Variants in PLAC9 observed in about 807,000 individuals in gnomAD.
PLAC9 encodes placenta-specific protein 9.
Under a neutral mutation model 11.5 loss-of-function variants are expected in PLAC9, and 12 were observed. The ratio of observed to expected loss-of-function variants is 1.05; its 90% CI spans 0.67 to 1.69. The LOEUF is 1.69. Ranked by LOEUF, PLAC9 falls within the 40% of genes most tolerant of loss-of-function variation. PLAC9 has a pLI of 0.00. For missense variants in PLAC9, 132 were observed against 130.5 expected (o/e 1.01, Z -0.06); for synonymous variants, 62 against 58.1 (o/e 1.07, Z -0.31).
rs1274361954 is a variant in PLAC9 at position 80,144,795 on chromosome 10, G to C, written c.284-105G>C. 1.6e-5 allele frequency: 20 copies of C among 1,212,882 alleles called. No individual in the cohort carries two copies. The South Asian group carries it at 2.0e-4, about 12-fold the overall frequency. The allele number at this position is 1,212,882 out of a possible 1,614,324, so 75.1% of individuals were successfully genotyped here. On this transcript the variant is annotated intron_variant, in intron 3 of 3. Coordinates refer to ENST00000372263, the MANE Select transcript of PLAC9 (RefSeq NM_001012973.3). ...TGATCCTTGTGTCCCGCGCGCAGTAGTTCCTGGGGGCCGGGGAGGGAAGGG... is the reference window on the plus strand; with the variant it reads ...TGATCCTTGTGTCCCGCGCGCAGTACTTCCTGGGGGCCGGGGAGGGAAGGG...
At chr10:80,133,302 TC>T (rs1345905046) in intron 1 of PLAC9, among the ~76,000 whole-genome samples, 3 of 152,140 alleles carry the variant, frequency 2.0e-5, no homozygotes, top group African/African-American at 7.2e-5. Context: ...GGAGCCAGGA[TC>T]TGGAGTGGGA....
intron 1 of PLAC9, among the ~76,000 whole-genome samples, chr10:80,136,803 G>A (rs1844984380): frequency 6.6e-6 from 1 of 151,990 alleles, no homozygotes; most frequent in Non-Finnish European, 1.5e-5. Context: ...GTGAACCACC[G>A]AGCCCAGCTC....
upstream of PLAC9, chr10:80,132,446 A>T (rs1844923044): frequency 2.9e-6 from 1 of 344,008 alleles, no homozygotes; most frequent in African/African-American, 2.2e-5. Context: ...CCTTGAGCCC[A>T]AGACCTCACC....
At chr10:80,134,739 G>A (rs1179368755) in intron 1 of PLAC9, among the ~76,000 whole-genome samples, 2 of 152,078 alleles carry the variant, frequency 1.3e-5, no homozygotes, top group Non-Finnish European at 2.9e-5. Context: ...ATATCTTTTT[G>A]CAATTCATTT....
upstream of PLAC9, chr10:80,132,509 C>CG (rs1400181377): frequency 9.4e-6 from 4 of 425,216 alleles, no homozygotes; most frequent in Admixed American, 4.6e-5. Flanking sequence ...TGCGGGGACT[C>CG]GGGGGGCGGC....
rs1845086850 is a variant in PLAC9 at position 80,144,999 on chromosome 10, T to C, written c.*89T>C. The C allele has an allele frequency of 2.7e-6, 4 of 1,468,018 alleles. No homozygotes were observed. Among genetic ancestry groups the C allele is most frequent in the African/African-American group, 2.8e-5 (2 of 71,368 alleles). The allele number at this position is 1,468,018 out of a possible 1,614,324, so 90.9% of individuals were successfully genotyped here. A position where few individuals can be genotyped will look rare whatever the true frequency, so the allele number is the denominator to read the frequency against. On this transcript the variant is annotated 3_prime_UTR_variant, in exon 4 of 4. Coordinates refer to ENST00000372263, the MANE Select transcript of PLAC9 (RefSeq NM_001012973.3). ...GCCCTGTCCTCTCGACTTCCTTCCT[T>C]AGCTTCATGTGAAATAAAAGCTATT...
chr10:80,132,797 C>T lies in PLAC9; in HGVS notation c.35C>T (p.Ala12Val). The T allele has an allele frequency of 6.7e-7, 1 of 1,499,130 alleles. No homozygotes were observed. The highest frequency in any genetic ancestry group is 8.8e-7 in the Non-Finnish European group (1 of 1,131,832). The allele number at this position is 1,499,130 out of a possible 1,614,324, so 92.9% of individuals were successfully genotyped here. A position where few individuals can be genotyped will look rare whatever the true frequency, so the allele number is the denominator to read the frequency against. Residue 12 changes from alanine to valine, a missense_variant, in exon 1 of 4, where the codon GCC becomes GTC. By Grantham distance (64) the Ala-to-Val change is moderately conservative. Coordinates refer to ENST00000372263, the MANE Select transcript of PLAC9 (RefSeq NM_001012973.3). ...CTGCTCTGCGCGCTGACCGGACTGG[C>T]CCTGCTCCGCGCCGCGGGCTCTTTG... Reference protein sequence around the residue: ...RPLLCALTGLALLRAAGSLAA... With the variant: ...RPLLCALTGLVLLRAAGSLAA...
At chr10:80,136,161 T>C (rs1298109059) in intron 1 of PLAC9, among the ~76,000 whole-genome samples, 1 of 152,180 alleles carries the variant, frequency 6.6e-6, no homozygotes, top group Non-Finnish European at 1.5e-5. Flanking sequence ...CGAGCCCTCC[T>C]CTGGGGCCTC....
At chr10:80,134,442 T>G (rs1435039918) in intron 1 of PLAC9, among the ~76,000 whole-genome samples, 1 of 152,054 alleles carries the variant, frequency 6.6e-6, no homozygotes, top group Admixed American at 6.6e-5. Flanking sequence ...TTTGGTATTT[T>G]TAGTAGAGAT....
intron 1 of PLAC9, among the ~76,000 whole-genome samples, chr10:80,141,880 T>C (rs1305927768): frequency 6.6e-6 from 1 of 152,060 alleles, no homozygotes; most frequent in Non-Finnish European, 1.5e-5. Context: ...GAAGTTCATC[T>C]GGGTCTGTAG....
chr10:80,132,884 G>A, intron 1 of PLAC9, 58 bp downstream of exon 1: 3 of 1,392,634 alleles, frequency 2.2e-6, no homozygotes, highest in Non-Finnish European at 2.8e-6. Flanking sequence ...CGCAGATGGC[G>A]AGGAAGGAAT....
At chr10:80,141,723 C>A (rs559985824) in intron 1 of PLAC9, among the ~76,000 whole-genome samples, 1 of 152,298 alleles carries the variant, frequency 6.6e-6, no homozygotes, top group Admixed American at 6.5e-5. Flanking sequence ...CTCTCTCTCC[C>A]GCCCACCCTG....
At chr10:80,134,924 A>G (rs1279937711) in intron 1 of PLAC9, among the ~76,000 whole-genome samples, 4 of 152,158 alleles carry the variant, frequency 2.6e-5, no homozygotes, top group African/African-American at 9.6e-5. Flanking sequence ...CATCCCTTTT[A>G]TGTCATTTAA....
intron 1 of PLAC9, among the ~76,000 whole-genome samples, chr10:80,139,843 C>G (rs1204394157): frequency 6.6e-6 from 1 of 152,084 alleles, no homozygotes; most frequent in Non-Finnish European, 1.5e-5. Flanking sequence ...TCCCACTCGG[C>G]CTCCCAAAGT....
At chr10:80,134,402 T>C (rs976212726) in intron 1 of PLAC9, among the ~76,000 whole-genome samples, 1 of 152,034 alleles carries the variant, frequency 6.6e-6, no homozygotes, top group Non-Finnish European at 1.5e-5. Flanking sequence ...TAGCTGGGAC[T>C]ACAGGCACGC....
intron 1 of PLAC9, among the ~76,000 whole-genome samples, chr10:80,136,574 C>G (rs924767756): frequency 6.6e-6 from 1 of 152,106 alleles, no homozygotes; most frequent in Non-Finnish European, 1.5e-5. Context: ...TGGGCTCAAG[C>G]GATTCTCCCG....
upstream of PLAC9, among the ~76,000 whole-genome samples, chr10:80,132,073 T>G (rs1844918917): frequency 6.6e-6 from 1 of 152,274 alleles, no homozygotes; most frequent in South Asian, 2.1e-4. Context: ...TTGTACCATC[T>G]TACTTATCCC....
chr10:80,144,335 T>C lies in PLAC9; in HGVS notation c.275T>C (p.Leu92Pro). ...PPGPFSPAPD[L>P]LGDGF ...GGACCCTTCAGCCCCGCTCCCGACC[T>C]TCTCGGAGGTGAGCAGTGCAGGTGG... The change falls in exon 3 of 4, where the codon CTT becomes CCT. Residue 92 changes from leucine to proline, a missense_variant. By Grantham distance (98) the Leu-to-Pro change is moderately conservative. Transcript: ENST00000372263. 1.2e-6 allele frequency: 2 copies of C among 1,603,456 alleles called. No individual in the cohort carries two copies. The highest frequency in any genetic ancestry group is 1.7e-6 in the Non-Finnish European group (2 of 1,178,312).
chr10:80,143,676 C>A (rs1845067230), intron 2 of PLAC9, among the ~76,000 whole-genome samples: 1 of 152,128 alleles, frequency 6.6e-6, no homozygotes, highest in Non-Finnish European at 1.5e-5. Context: ...GGATTACAGG[C>A]GTGAGCCACC....
Sources: gnomAD v4.1 joint callset for allele counts (sites outside exome capture counted in the v4.1 genomes callset) on GRCh38, gnomAD v4.1.1 for gene constraint, MANE v1.5 for transcripts, NCBI Gene and HGNC (gene_info 2026-07-23, HGNC 2026-07-21) for gene names.